ST14: variants seen among roughly 807,000 people sequenced by gnomAD.
ST14 encodes the protein ST14 transmembrane serine protease matriptase, also known as suppressor of tumorigenicity 14 protein.
In ST14, 40 loss-of-function variants were observed where a neutral mutation model predicts 96.5. The ratio of observed to expected loss-of-function variants is 0.41; its 90% CI spans 0.32 to 0.54. The LOEUF is 0.54. ST14 is among the 20% of genes least tolerant of loss of function. The pLI is 0.17. For synonymous variants in ST14, 506 were observed against 492.1 expected (o/e 1.03, Z -0.37); for missense variants, 1,066 against 1,188.9 (o/e 0.90, Z 1.52).
intron 9 of ST14, among the ~76,000 whole-genome samples, chr11:130,195,486 T>C (rs1430017859): frequency 2.0e-5 from 3 of 152,060 alleles, no homozygotes; most frequent in Non-Finnish European, 4.4e-5. Context: ...AAAGAAGGTG[T>C]GTGAGACAAG....
At chr11:130,162,026 C>G (rs1306113851) in intron 1 of ST14, among the ~76,000 whole-genome samples, 2 of 152,222 alleles carry the variant, frequency 1.3e-5, no homozygotes, top group Non-Finnish European at 2.9e-5. Flanking sequence ...GTGTTTGCAG[C>G]TAGGATGTCC....
intron 4 of ST14, 160 bp from the exon 5 acceptor site, chr11:130,189,579 G>C (rs1165975190): frequency 1.1e-6 from 1 of 897,002 alleles, no homozygotes; most frequent in Non-Finnish European, 1.7e-6. Context: ...TCTTGCTTTG[G>C]GGTGGAAAGA....
chr11:130,188,369 G>A lies in ST14; in HGVS notation c.241+96G>A, dbSNP rs1265470841. ...ACCCAGGGCCACCTACTGAGTACAC[G>A]AGGATCTCTTGGCCTCTCTGGAACC... On this transcript the variant is annotated intron_variant, in intron 2 of 18. Transcript: ENST00000278742. This position sits in a 1 kb window ranked among gnomAD's most constrained non-coding sequence, Gnocchi z 5.4. 8 of 1,580,988 alleles carry A rather than the reference G, an allele frequency of 5.1e-6. No homozygotes were observed. Among genetic ancestry groups the A allele is most frequent in the South Asian group, 2.3e-5 (2 of 86,528 alleles).
At chr11:130,178,022 T>C (rs1953157563) in intron 1 of ST14, among the ~76,000 whole-genome samples, 1 of 152,222 alleles carries the variant, frequency 6.6e-6, no homozygotes, top group Admixed American at 6.5e-5. Context: ...GAGACAGCTC[T>C]CCTTAGTACT....
chr11:130,207,380 G>A (rs568203343), intron 16 of ST14, among the ~76,000 whole-genome samples: 10 of 152,114 alleles, frequency 6.6e-5, no homozygotes, highest in Middle Eastern at 3.4e-3. Context: ...GCGAAACCCC[G>A]TTTCCACTAA....
intron 15 of ST14, among the ~76,000 whole-genome samples, chr11:130,199,726 G>A (rs1483195483): frequency 6.6e-6 from 1 of 152,198 alleles, no homozygotes; most frequent in African/African-American, 2.4e-5. Flanking sequence ...GGAAGATGAG[G>A]GTTTGAATTT....
chr11:130,170,545 C>T (rs887690310), intron 1 of ST14, among the ~76,000 whole-genome samples: 7 of 152,030 alleles, frequency 4.6e-5, no homozygotes, highest in South Asian at 2.1e-4. Context: ...GTTGTGGTCC[C>T]GGGAGGATTC....
At chr11:130,189,337 G>T in intron 4 of ST14, 1 of 440,496 alleles carries the variant, frequency 2.3e-6, no homozygotes, top group Non-Finnish European at 4.1e-6. Context: ...TATTCTCAAA[G>T]TGCTTTTTAT....
intron 16 of ST14, among the ~76,000 whole-genome samples, chr11:130,208,197 G>C (rs1024931993): frequency 3.3e-5 from 5 of 152,238 alleles, no homozygotes; most frequent in Admixed American, 1.3e-4. Context: ...AGGAAGGGGG[G>C]GTAAAGAGTT....
intron 14 of ST14, 120 bp downstream of exon 14, chr11:130,198,741 T>A: frequency 1.5e-6 from 2 of 1,333,814 alleles, no homozygotes; most frequent in Non-Finnish European, 2.1e-6. Context: ...GTGTGTTAAG[T>A]GTGATGAGAA....
At chr11:130,205,594 C>T (rs542165956) in intron 16 of ST14, among the ~76,000 whole-genome samples, 87 of 152,090 alleles carry the variant, frequency 5.7e-4, no homozygotes, top group Admixed American at 2.1e-3. Flanking sequence ...TCCAAAAACA[C>T]GGATGCTGTC....
intron 1 of ST14, among the ~76,000 whole-genome samples, chr11:130,161,698 C>T (rs1424940924): frequency 6.6e-6 from 1 of 152,226 alleles, no homozygotes; most frequent in Non-Finnish European, 1.5e-5. Context: ...GCTCTCTGCG[C>T]CCTTGGGCTG....
chr11:130,159,783 T>G lies in ST14; in HGVS notation c.-197T>G. On this transcript the variant is annotated 5_prime_UTR_variant, in exon 1 of 19. Transcript: ENST00000278742. ...TACCTGCGTGGGCCGGGCCGGAGTG[T>G]GAGAGCGGAGCTGCAGCCGGAGAAA... The G allele has an allele frequency of 5.3e-6, 1 of 189,848 alleles. No homozygotes were observed. 11.8% of individuals were successfully genotyped at this position (189,848 alleles called of 1,614,324 possible).
At position 130,209,501 on chromosome 11, in the gene ST14, G is replaced by A. The variant is rs975346150; in HGVS notation, c.2329G>A (p.Glu777Lys). 5 of 1,585,860 alleles carry A rather than the reference G, an allele frequency of 3.2e-6. No homozygotes were observed. The highest frequency in any genetic ancestry group is 2.7e-5 in the African/African-American group (2 of 74,548). ...CCGCGTCATCAACCAGACCACCTGC[G>A]AGAACCTCCTGCCGCAGCAGATCAC... ...EIRVINQTTC[E>K]NLLPQQITPR... Residue 777 changes from glutamate (E) to lysine (K), a missense_variant, in exon 18 of 19, where the codon GAG (glutamate) becomes AAG (lysine). Coordinates refer to ENST00000278742, the MANE Select transcript of ST14 (RefSeq NM_021978.4).
Position 130,189,984 on chromosome 11 carries a change from C to T in ST14, c.598+88C>T, listed in dbSNP as rs1266743196. On this transcript the variant is annotated intron_variant, in intron 5 of 18. Coordinates refer to ENST00000278742, the MANE Select transcript of ST14 (RefSeq NM_021978.4). ...CCTGGACCATTGCAGGGGACCGGCA[C>T]TCCCAGGGCCCAGTGCCCCAGAGAG... The T allele has an allele frequency of 5.7e-5, 91 of 1,610,242 alleles. No homozygotes were observed. In the East Asian group the frequency reaches 1.9e-3, roughly 33 times the overall value.
intron 1 of ST14, among the ~76,000 whole-genome samples, chr11:130,180,092 C>T (rs1356722997): frequency 6.6e-6 from 1 of 152,202 alleles, no homozygotes; most frequent in Non-Finnish European, 1.5e-5. Flanking sequence ...CTTGGAGTCA[C>T]CGAGCGTGTC....
rs776341086 is a variant in ST14, at chr11:130,188,978, A to G, written c.440+39A>G. ...GAAGGCTCAGTGGGATGCACCCCAG[A>G]CTGGCTGGGAGTAGGATCGGGGTAC... On this transcript the variant is annotated intron_variant, in intron 4 of 18. Coordinates refer to ENST00000278742, the MANE Select transcript of ST14 (RefSeq NM_021978.4). The surrounding 1 kb of genome is among the most constrained non-coding windows in gnomAD (Gnocchi z 5.4). The G allele has an allele frequency of 1.3e-6, 2 of 1,582,152 alleles. No individual in the cohort carries two copies. Among genetic ancestry groups the G allele is most frequent in the South Asian group, 2.3e-5 (2 of 87,080 alleles).
rs145493065 is a variant in ST14 at position 130,194,204 on chromosome 11, G to T, written c.931G>T (p.Val311Phe). ...CCTGACCTTCCACTCCTCCCAGAAC[G>T]TCCTGCTCATCACACTGATAACCAA... Reference protein sequence around the residue: ...YNLTFHSSQNVLLITLITNTE... With the variant: ...YNLTFHSSQNFLLITLITNTE... Residue 311 changes from valine (V) to phenylalanine (F), a missense_variant, in exon 8 of 19, where the codon GTC becomes TTC. Coordinates refer to ENST00000278742, the MANE Select transcript of ST14 (RefSeq NM_021978.4). The T allele has an allele frequency of 1.2e-6, 2 of 1,614,052 alleles. No individual in the cohort carries two copies. Among genetic ancestry groups the T allele is most frequent in the East Asian group, 4.5e-5 (2 of 44,888 alleles).
intron 8 of ST14, 67 bp downstream of exon 8, chr11:130,194,355 G>C: frequency 1.2e-6 from 2 of 1,602,296 alleles, no homozygotes; most frequent in East Asian, 4.5e-5. Flanking sequence ...CTTAGTGGGG[G>C]TGACCTGAGC....
Sources: gnomAD v4.1 joint callset for allele counts (sites outside exome capture counted in the v4.1 genomes callset) on GRCh38, gnomAD v4.1.1 for gene constraint, Gnocchi (gnomAD v3.1) non-coding constraint, MANE v1.5 for transcripts, NCBI Gene and HGNC (gene_info 2026-07-23, HGNC 2026-07-21) for gene names.